Variants in KLRG1 observed in about 807,000 individuals in gnomAD.
The protein encoded by KLRG1 is killer cell lectin-like receptor subfamily G member 1.
A neutral mutation model predicts 21.8 loss-of-function variants in KLRG1; 16 were observed. That is an observed-to-expected ratio of 0.73 (90% CI 0.50 to 1.11). The LOEUF is 1.11. Among genes scored for constraint, KLRG1 ranks in the 50% most tolerant of loss-of-function variants. KLRG1 has a pLI of 0.00. For missense variants in KLRG1, 173 were observed against 218.3 expected, an observed-to-expected ratio of 0.79 and a Z score of 1.31; for synonymous variants, 69 against 75.9, an observed-to-expected ratio of 0.91 and a Z score of 0.47.
chr12:9,069,006 A>G, the KLRG1 span: 4 of 517,232 alleles, frequency 7.7e-6, no homozygotes, highest in Non-Finnish European at 1.4e-5. Flanking sequence ...GGGATGATAA[A>G]TTCTCCAGAT....
At chr12:8,981,889 T>G (rs1355396693) in intron 1 of KLRG1, among the ~76,000 whole-genome samples, 1 of 152,262 alleles carries the variant, frequency 6.6e-6, no homozygotes, top group Non-Finnish European at 1.5e-5. Context: ...CTTTTGCTTC[T>G]GTTCATATGT....
chr12:9,141,513 G>A, the KLRG1 span, among the ~76,000 whole-genome samples: 2 of 152,130 alleles, frequency 1.3e-5, no homozygotes, highest in Non-Finnish European at 2.9e-5. Flanking sequence ...TTATTTTAAT[G>A]TCAGTTTACA....
rs761611532 is a variant in KLRG1, at chr12:8,989,551, T to G, written c.-85T>G. The G allele has an allele frequency of 1.2e-6, 1 of 813,066 alleles. No individual in the cohort carries two copies. Among genetic ancestry groups the G allele is most frequent in the African/African-American group, 1.7e-5 (1 of 57,372 alleles). The allele number at this position is 813,066 out of a possible 1,614,324, so 50.4% of individuals were successfully genotyped here. On this transcript the variant is annotated 5_prime_UTR_variant, in exon 1 of 5. Coordinates refer to ENST00000356986, the MANE Select transcript of KLRG1 (RefSeq NM_005810.4). The stretch of plus-strand genomic sequence containing the variant: ...AAGTTTCCTGCTAGCAGTTTAGAGA[T>G]TGGGCTGTTTCCTCACTGATACATA...
At chr12:9,167,481 G>A in the KLRG1 span, 7 of 152,170 alleles carry the variant, frequency 4.6e-5, no homozygotes, top group African/African-American at 7.2e-5. Context: ...TTTCCCAGGC[G>A]AGGTCGCACA....
chr12:9,065,321 G>C, the KLRG1 span: 1 of 152,402 alleles, frequency 6.6e-6, no homozygotes, highest in East Asian at 1.9e-4. Flanking sequence ...CGCGGCTGTG[G>C]ACATTTTCTG....
the KLRG1 span, among the ~76,000 whole-genome samples, chr12:9,183,323 C>G: frequency 6.6e-6 from 1 of 152,078 alleles, no homozygotes; most frequent in Non-Finnish European, 1.5e-5. Flanking sequence ...GAGATGATGG[C>G]CATGTTACTT....
the KLRG1 span, among the ~76,000 whole-genome samples, chr12:9,039,855 A>G: frequency 1.3e-5 from 2 of 152,236 alleles, no homozygotes; most frequent in East Asian, 3.8e-4. Context: ...TCCCTTTGTT[A>G]CTGTACATTT....
At chr12:8,995,686 CT>C (rs34680435) in intron 3 of KLRG1, among the ~76,000 whole-genome samples, 61,984 of 141,314 alleles carry the variant, frequency 0.44, 13,110 homozygotes, top group South Asian at 0.52. Flanking sequence ...GCAGCAGATT[CT>C]TTTTTTTTTT....
At chr12:9,044,841 T>C in the KLRG1 span, among the ~76,000 whole-genome samples, 1 of 152,192 alleles carries the variant, frequency 6.6e-6, no homozygotes, top group Non-Finnish European at 1.5e-5. Flanking sequence ...CAACAATTCT[T>C]ATCCTGGCTT....
the KLRG1 span, chr12:9,153,248 C>G: frequency 6.2e-7 from 1 of 1,614,044 alleles, no homozygotes; most frequent in African/African-American, 1.3e-5. Context: ...TAGAAAAGGT[C>G]TGTGAATCCT....
the KLRG1 span, among the ~76,000 whole-genome samples, chr12:9,074,159 G>C: frequency 6.6e-6 from 1 of 152,058 alleles, no homozygotes. Flanking sequence ...CCTATTAAAG[G>C]GGACCTAAGA....
At chr12:9,169,631 C>T in the KLRG1 span, 4 of 1,514,242 alleles carry the variant, frequency 2.6e-6, no homozygotes, top group Non-Finnish European at 3.5e-6. Flanking sequence ...CTGTTACTTA[C>T]TTTTCTTTTG....
intron 1 of KLRG1, among the ~76,000 whole-genome samples, chr12:8,958,001 G>A (rs147202817): frequency 1.5e-3 from 221 of 152,076 alleles, no homozygotes; most frequent in African/African-American, 5.1e-3. Flanking sequence ...TTTGATGGGC[G>A]TTTGGGTTCT....
At chr12:8,965,203 A>G (rs1420647500) in intron 1 of KLRG1, among the ~76,000 whole-genome samples, 1 of 152,238 alleles carries the variant, frequency 6.6e-6, no homozygotes, top group Non-Finnish European at 1.5e-5. Flanking sequence ...AATAAGAGCT[A>G]TCTATGACAA....
the KLRG1 span, chr12:9,076,937 C>T: frequency 6.3e-7 from 1 of 1,575,208 alleles, no homozygotes; most frequent in Non-Finnish European, 8.6e-7. Context: ...CAACAGGGTG[C>T]TGTGAAGGCA....
chr12:9,157,031 C>T, the KLRG1 span: 1 of 650,132 alleles, frequency 1.5e-6, no homozygotes, highest in Non-Finnish European at 2.4e-6. Flanking sequence ...AGCCCATCAC[C>T]TGGTTATTAG....
chr12:9,067,186 T>C, the KLRG1 span: 1 of 155,136 alleles, frequency 6.4e-6, no homozygotes, highest in African/African-American at 2.4e-5. Context: ...TACACATTCC[T>C]TCTTCTGAGA....
chr12:9,195,611 A>ATTT, the KLRG1 span, among the ~76,000 whole-genome samples: 106 of 104,218 alleles, frequency 1.0e-3, 1 homozygote, highest in African/African-American at 1.5e-3. Flanking sequence ...CCCACTGCTA[A>ATTT]TTTTTTTTTT....
the KLRG1 span, among the ~76,000 whole-genome samples, chr12:9,214,285 T>A: frequency 1.3e-5 from 2 of 152,014 alleles, no homozygotes; most frequent in African/African-American, 4.8e-5. Flanking sequence ...CTTAGTTCTT[T>A]TTTTCCCTTC....
Sources: gnomAD v4.1 joint callset for allele counts (sites outside exome capture counted in the v4.1 genomes callset) on GRCh38, gnomAD v4.1.1 for gene constraint, MANE v1.5 for transcripts, NCBI Gene and HGNC (gene_info 2026-07-23, HGNC 2026-07-21) for gene names.